NEK4: variants seen among roughly 807,000 people sequenced by gnomAD.
NEK4 encodes serine/threonine-protein kinase Nek4.
Under a neutral mutation model 98.4 loss-of-function variants are expected in NEK4, and 86 were observed. The ratio of observed to expected loss-of-function variants is 0.87; its 90% CI spans 0.73 to 1.05. The LOEUF is 1.05. Ranked by LOEUF, NEK4 falls within the 50% of genes least tolerant of loss-of-function variation. The pLI is 0.00. For synonymous variants in NEK4, 328 were observed against 342.2 expected (o/e 0.96, Z 0.46); for missense variants, 898 against 950.3 (o/e 0.94, Z 0.72).
intron 7 of NEK4, among the ~76,000 whole-genome samples, chr3:52,750,353 G>C (rs1418898022): frequency 6.6e-6 from 1 of 152,102 alleles, no homozygotes; most frequent in East Asian, 1.9e-4. Context: ...TTTGAGACCA[G>C]TCTGGCCAAC....
chr3:52,760,743 C>A, intron 6 of NEK4, 52 bp downstream of exon 6: 3 of 1,316,168 alleles, frequency 2.3e-6, no homozygotes, highest in Admixed American at 2.1e-5. Context: ...TTAGATGGCC[C>A]ATTTTTCTAA....
At chr3:52,712,056 GCAAA>G (rs899572355) in intron 15 of NEK4, among the ~76,000 whole-genome samples, 187 bp from the exon 16 acceptor site, 4 of 152,150 alleles carry the variant, frequency 2.6e-5, no homozygotes, top group African/African-American at 4.8e-5. Flanking sequence ...AAATTAAAGA[GCAAA>G]CAAACAATAA....
chr3:52,757,012 A>G (rs2097416241), intron 6 of NEK4, among the ~76,000 whole-genome samples: 1 of 152,172 alleles, frequency 6.6e-6, no homozygotes, highest in African/African-American at 2.4e-5. Flanking sequence ...CAATATAACT[A>G]ATCACTAAGG....
chr3:52,770,387 GAC>G (rs1698733831), intron 1 of NEK4, among the ~76,000 whole-genome samples: 1 of 151,094 alleles, frequency 6.6e-6, no homozygotes, highest in African/African-American at 2.4e-5. Flanking sequence ...GATAGGCAGA[GAC>G]TGAAAATTTT....
intron 15 of NEK4, among the ~76,000 whole-genome samples, chr3:52,712,902 C>CG (rs1195023041): frequency 2.0e-5 from 3 of 152,086 alleles, no homozygotes; most frequent in Non-Finnish European, 4.4e-5. Flanking sequence ...CGAGGGTCTC[C>CG]GGGGTTTTTA....
intron 15 of NEK4, among the ~76,000 whole-genome samples, chr3:52,723,350 C>T (rs1469083642): frequency 3.3e-5 from 5 of 152,092 alleles, no homozygotes; most frequent in African/African-American, 7.2e-5. Context: ...CGGGTTCAAG[C>T]GATTCTCGTG....
Position 52,770,725 on chromosome 3 carries a change from A to G in NEK4, c.22T>C (p.Tyr8His). Residue 8 changes from tyrosine (Y) to histidine (H), a missense_variant, in exon 1 of 16, where the codon TAC (tyrosine) becomes CAC (histidine). Physicochemically the swap from Tyr to His is moderately conservative, Grantham distance 83. Transcript: ENST00000233027. ...CTCCCCTTGCCCACGACCCGCAGGT[A>G]GCAGTAGGCGGCCAGGGGCATGTTC... Reference protein sequence around the residue: MPLAAYCYLRVVGKGSYG... With the variant: MPLAAYCHLRVVGKGSYG... 6.4e-7 allele frequency: 1 copy of G among 1,574,588 alleles called. No homozygotes were observed. The highest frequency in any genetic ancestry group is 1.2e-5 in the South Asian group (1 of 85,916).
rs2097411149 is a variant in NEK4 at position 52,754,465 on chromosome 3, C to T, written c.964-2129G>A. 6.2e-6 allele frequency: 4 copies of T among 641,854 alleles called. No homozygotes were observed. The African/African-American group carries it at 7.3e-5, about 12-fold the overall frequency. 39.8% of individuals were successfully genotyped at this position (641,854 alleles called of 1,614,324 possible). On this transcript the variant is annotated intron_variant, in intron 6 of 15. Transcript: ENST00000233027. Reference sequence around the variant, plus strand: ...AGCTTTTTAAGAGTAAAGTGGTTGACAGTGTTAAGGTATGTATTACTCGTC... The same window carrying T: ...AGCTTTTTAAGAGTAAAGTGGTTGATAGTGTTAAGGTATGTATTACTCGTC...
At chr3:52,736,027 A>G (rs2097375338) in intron 15 of NEK4, among the ~76,000 whole-genome samples, 2 of 152,194 alleles carry the variant, frequency 1.3e-5, no homozygotes, top group African/African-American at 4.8e-5. Context: ...AAGTGGGGCA[A>G]TATGAGAAGT....
intron 15 of NEK4, among the ~76,000 whole-genome samples, chr3:52,719,890 A>G (rs1020698652): frequency 5.3e-5 from 8 of 152,152 alleles, no homozygotes; most frequent in Non-Finnish European, 8.8e-5. Context: ...ATAATGGAGA[A>G]AAAGCTAAAA....
At chr3:52,764,778 GCACACACACA>G (rs56827006) in intron 4 of NEK4, among the ~76,000 whole-genome samples, 10 of 145,030 alleles carry the variant, frequency 6.9e-5, no homozygotes, top group Non-Finnish European at 1.0e-4. Flanking sequence ...ACACACACAT[GCACACACACA>G]CACACACACA....
intron 15 of NEK4, among the ~76,000 whole-genome samples, chr3:52,716,800 G>C (rs890585549): frequency 6.6e-6 from 1 of 152,180 alleles, no homozygotes; most frequent in African/African-American, 2.4e-5. Context: ...AGAAAATCTA[G>C]ACTTTGGTAA....
chr3:52,762,301 C>T (rs1472937657), intron 5 of NEK4, among the ~76,000 whole-genome samples: 2 of 152,182 alleles, frequency 1.3e-5, no homozygotes, highest in Non-Finnish European at 2.9e-5. Flanking sequence ...CTATCTTACA[C>T]AGTAAGATGT....
In NEK4 at chr3:52,768,247, G is replaced by T. The variant is rs1441846670; in HGVS notation, c.360+91C>A. ...TTTTCCAAAAAATACATTTCTATAT[G>T]TAAGTATCTGAAGAAAAATTTTCCT... On this transcript the variant is annotated intron_variant, in intron 2 of 15. Coordinates refer to ENST00000233027, the MANE Select transcript of NEK4 (RefSeq NM_003157.6). 8.6e-6 allele frequency: 10 copies of T among 1,162,518 alleles called. No homozygotes were observed. In the East Asian group the frequency reaches 2.1e-4, roughly 25 times the overall value. The allele number at this position is 1,162,518 out of a possible 1,614,324, so 72.0% of individuals were successfully genotyped here. A position where few individuals can be genotyped will look rare whatever the true frequency, so the allele number is the denominator to read the frequency against.
intron 13 of NEK4, among the ~76,000 whole-genome samples, chr3:52,740,593 T>G (rs1578654959): frequency 6.8e-6 from 1 of 147,296 alleles, no homozygotes; most frequent in Non-Finnish European, 1.5e-5. Flanking sequence ...AGGTCAGGAG[T>G]TCGAGACCAG....
chr3:52,755,081 AAAAAAAG>A (rs1465360133), intron 6 of NEK4, among the ~76,000 whole-genome samples: 2 of 151,726 alleles, frequency 1.3e-5, no homozygotes, highest in South Asian at 2.1e-4. Context: ...CTCAAAAAAA[AAAAAAAG>A]AAAAAAGAAA....
intron 15 of NEK4, among the ~76,000 whole-genome samples, chr3:52,722,784 A>G (rs2097361215): frequency 6.6e-6 from 1 of 152,126 alleles, no homozygotes; most frequent in Non-Finnish European, 1.5e-5. Flanking sequence ...ATGCTCCTAC[A>G]GTCCTGGCAA....
Position 52,743,352 on chromosome 3 carries a change from C to T in NEK4, c.2004G>A (p.Gln668=). 1 of 1,613,086 alleles carries T rather than the reference C, an allele frequency of 6.2e-7. No homozygotes were observed. The highest frequency in any genetic ancestry group is 1.7e-5 in the Admixed American group (1 of 60,000). The part of the protein sequence containing the change: ...RRLSSDCSVT[Q]ERKQIHCLSE... Reference sequence around the variant, plus strand: ...TCTCTCTTAGGAGTACGTAATGCACCTGAGTGACGCTGCAGTCAGAGGAGA... The same window carrying T: ...TCTCTCTTAGGAGTACGTAATGCACTTGAGTGACGCTGCAGTCAGAGGAGA... Residue 668 remains glutamine, a splice_region_variant and synonymous_variant, in exon 12 of 16, where the codon CAG becomes CAA. Transcript: ENST00000233027.
intron 15 of NEK4, among the ~76,000 whole-genome samples, chr3:52,728,962 G>A (rs534592079): frequency 3.9e-5 from 6 of 152,166 alleles, no homozygotes; most frequent in Non-Finnish European, 5.9e-5. Context: ...TGGTCAGACC[G>A]GTTCTCTGCT....
Sources: allele counts gnomAD v4.1 joint callset (sites outside exome capture counted in the v4.1 genomes callset), GRCh38; gene constraint gnomAD v4.1.1; transcripts MANE v1.5; gene names NCBI Gene and HGNC (gene_info 2026-07-23, HGNC 2026-07-21).